Variants in CPNE7 observed in about 807,000 individuals in gnomAD.
CPNE7 encodes copine 7.
In CPNE7, 78 loss-of-function variants were observed where a neutral mutation model predicts 66.5. The observed-to-expected ratio is 1.17, with a 90% CI of 0.98 to 1.42. The LOEUF (loss-of-function observed/expected upper bound fraction) is 1.42. CPNE7 is among the 40% of genes most tolerant of loss of function. CPNE7 has a pLI of 0.00. For synonymous variants in CPNE7, 468 were observed against 336.7 expected (o/e 1.39, Z -4.27); for missense variants, 1,012 against 776.6 (o/e 1.30, Z -3.60).
At position 89,577,638 on chromosome 16, in the gene CPNE7, G is replaced by C; in HGVS notation, c.274G>C (p.Glu92Gln). The C allele has an allele frequency of 6.3e-7, 1 of 1,586,662 alleles. No individual in the cohort carries two copies. Among genetic ancestry groups the C allele is most frequent in the Non-Finnish European group, 8.6e-7 (1 of 1,166,408 alleles). ...YFEEVQRLRFEVYDTHGPSGF... is the reference protein window; with the variant it reads ...YFEEVQRLRFQVYDTHGPSGF... ...CGAGGAGGTGCAGAGGCTGCGCTTT[G>C]AGGTGTACGACACGCATGGGCCCAG... The change falls in exon 2 of 15, where the codon GAG becomes CAG. Residue 92 changes from glutamate (E) to glutamine (Q), a missense_variant. Physicochemically the swap from Glu to Gln is conservative, Grantham distance 29. Coordinates refer to ENST00000319518, the MANE Select transcript of CPNE7 (RefSeq NM_153636.3).
rs3751682 is a variant in CPNE7 at position 89,596,617 on chromosome 16, C to T, written c.1673C>T (p.Pro558Leu). The T allele has an allele frequency of 5.2e-3, 8,291 of 1,599,466 alleles. 434 individuals are homozygous for T. The East Asian group carries it at 0.12, about 24-fold the overall frequency. The change falls in exon 15 of 15, where the codon CCG (proline) becomes CTG (leucine). Residue 558 changes from proline (P) to leucine (L), a missense_variant. Coordinates refer to ENST00000319518, the MANE Select transcript of CPNE7 (RefSeq NM_153636.3). ...GGAGAGGCCAGCCCAGGCTGCACACCGTGAAGATGTGGAGGGCGTAGGGTG... is the reference window on the plus strand; with the variant it reads ...GGAGAGGCCAGCCCAGGCTGCACACTGTGAAGATGTGGAGGGCGTAGGGTG... ...PAGEASPGCT[P>L]
In CPNE7 at chr16:89,584,207, G is replaced by C; in HGVS notation, c.507+105G>C. Reference sequence around the variant, plus strand: ...GACCTCGCGTGGCTATGTCCCGTGTGAGACGTGTGCGGAGTGTGCCTGGGG... The same window carrying C: ...GACCTCGCGTGGCTATGTCCCGTGTCAGACGTGTGCGGAGTGTGCCTGGGG... On this transcript the variant is annotated intron_variant, in intron 4 of 14. Transcript: ENST00000319518. This position sits in a 1 kb window ranked among gnomAD's most constrained non-coding sequence, Gnocchi z 6.0. 3.4e-6 allele frequency: 4 copies of C among 1,180,318 alleles called. No homozygotes were observed. The highest frequency in any genetic ancestry group is 4.8e-6 in the Non-Finnish European group (4 of 835,744). The allele number at this position is 1,180,318 out of a possible 1,614,324, so 73.1% of individuals were successfully genotyped here.
chr16:89,579,067 G>A lies in CPNE7; in HGVS notation c.357+1346G>A, dbSNP rs145537839. The stretch of plus-strand genomic sequence containing the variant: ...GCACTTTGGAAGTCCGAGGTGGGGG[G>A]ATCACGAGGTCAGGAGTTCGAGACC... On this transcript the variant is annotated intron_variant, in intron 2 of 14. Coordinates refer to ENST00000319518, the MANE Select transcript of CPNE7 (RefSeq NM_153636.3). The A allele has an allele frequency of 3.1e-3, 3,596 of 1,157,452 alleles. 88 individuals are homozygous for A. In the African/African-American group the frequency reaches 0.05, roughly 16 times the overall value. 71.7% of individuals were successfully genotyped at this position (1,157,452 alleles called of 1,614,324 possible). A position where few individuals can be genotyped will look rare whatever the true frequency, so the allele number is the denominator to read the frequency against.
At chr16:89,590,451 GGAGGCAGAGGTTGCACT>G (rs2059150254) in intron 11 of CPNE7, among the ~76,000 whole-genome samples, 2 of 152,162 alleles carry the variant, frequency 1.3e-5, no homozygotes, top group Non-Finnish European at 1.5e-5. Context: ...CTTGAACCCG[GGAGGCAGAGGTTGCACT>G]GAGCTGAGAT....
chr16:89,591,686 G>A (rs912452808), intron 13 of CPNE7, among the ~76,000 whole-genome samples: 1 of 152,112 alleles, frequency 6.6e-6, no homozygotes, highest in African/African-American at 2.4e-5. Flanking sequence ...CAGCCAGCCT[G>A]CTGCTTTCTT....
At chr16:89,583,654 C>T (rs773563880) in intron 2 of CPNE7, 43 bp from the exon 3 acceptor site, 11 of 1,609,494 alleles carry the variant, frequency 6.8e-6, no homozygotes, top group Non-Finnish European at 7.6e-6. Flanking sequence ...GGTCAGGAGC[C>T]GTCCCCGCCT....
rs1318799429 is a variant in CPNE7, at chr16:89,585,787, T to A, written c.780+2T>A. On this transcript the variant is annotated splice_donor_variant, in intron 7 of 14. Transcript: ENST00000319518. LOFTEE classifies it high-confidence loss of function. ...CAGAAGGCCTTTGAGGAGGGGCAGG[T>A]GAGCAGGACGGGGTAGGGGGTCCTC... The A allele has an allele frequency of 7.9e-7, 1 of 1,267,664 alleles. No individual in the cohort carries two copies. The highest frequency in any genetic ancestry group is 2.1e-5 in the African/African-American group (1 of 47,590). The allele number at this position is 1,267,664 out of a possible 1,614,324, so 78.5% of individuals were successfully genotyped here. A position where few individuals can be genotyped will look rare whatever the true frequency, so the allele number is the denominator to read the frequency against.
At chr16:89,595,987 C>T (rs907649495) in intron 14 of CPNE7, 3 of 498,322 alleles carry the variant, frequency 6.0e-6, no homozygotes, top group East Asian at 5.5e-5. Context: ...GTGAGACGCA[C>T]AGCACACACG....
intron 2 of CPNE7, among the ~76,000 whole-genome samples, chr16:89,581,341 G>GGAACATCCTGTCACCAGTCACACA (rs2058956637): frequency 2.0e-5 from 3 of 151,586 alleles, no homozygotes; most frequent in African/African-American, 7.3e-5. Context: ...CCCGTCACAC[G>GGAACATCCTGTCACCAGTCACACA]GAACATCCCG....
chr16:89,581,467 C>A (rs1040320012), intron 2 of CPNE7, among the ~76,000 whole-genome samples: 1 of 152,236 alleles, frequency 6.6e-6, no homozygotes, highest in Non-Finnish European at 1.5e-5. Context: ...AGCGCGTGTT[C>A]TCCCTGCTGT....
chr16:89,591,063 G>C lies in CPNE7; in HGVS notation c.1168+5G>C. On this transcript the variant is annotated splice_donor_5th_base_variant and intron_variant, in intron 12 of 14. Coordinates refer to ENST00000319518, the MANE Select transcript of CPNE7 (RefSeq NM_153636.3). The stretch of plus-strand genomic sequence containing the variant: ...CTGAGGACGATGAGTGTGAAGGTAG[G>C]AGCTCGAGGCAGGCCTGGGGAGGGG... 1 of 1,613,702 alleles carries C rather than the reference G, an allele frequency of 6.2e-7. No individual in the cohort carries two copies. Among genetic ancestry groups the C allele is most frequent in the Middle Eastern group, 1.7e-4 (1 of 6,060 alleles).
intron 9 of CPNE7, chr16:89,587,568 C>T (rs200405131): frequency 4.6e-6 from 2 of 436,108 alleles, no homozygotes; most frequent in South Asian, 3.1e-5. Context: ...AAAACGTGAA[C>T]GAGGAGAAAC....
Position 89,591,076 on chromosome 16 carries a change from G to A in CPNE7, c.1168+18G>A. 6.2e-7 allele frequency: 1 copy of A among 1,613,560 alleles called. No homozygotes were observed. Among genetic ancestry groups the A allele is most frequent in the Non-Finnish European group, 8.5e-7 (1 of 1,179,874 alleles). ...GTGTGAAGGTAGGAGCTCGAGGCAG[G>A]CCTGGGGAGGGGAGTGCAGGGGGGC... On this transcript the variant is annotated intron_variant, in intron 12 of 14. Transcript: ENST00000319518.
At chr16:89,586,956 C>G in intron 8 of CPNE7, 87 bp from the exon 9 acceptor site, 1 of 1,331,834 alleles carries the variant, frequency 7.5e-7, no homozygotes, top group Non-Finnish European at 1.1e-6. Flanking sequence ...AGGGACTGGG[C>G]TGCCTGCGGG....
intron 10 of CPNE7, among the ~76,000 whole-genome samples, chr16:89,589,659 C>T (rs2059139559): frequency 1.3e-5 from 2 of 152,182 alleles, no homozygotes; most frequent in African/African-American, 2.4e-5. Context: ...ACAGCATGTA[C>T]ACAAACGTGG....
At chr16:89,588,889 C>A (rs1227292422) in intron 10 of CPNE7, 81 bp downstream of exon 10, 1 of 1,562,638 alleles carries the variant, frequency 6.4e-7, no homozygotes, top group Non-Finnish European at 8.7e-7. Flanking sequence ...CCCCTCACCC[C>A]CCTGGTCTCC....
At chr16:89,593,509 C>A (rs539489242) in intron 13 of CPNE7, among the ~76,000 whole-genome samples, 2 of 151,238 alleles carry the variant, frequency 1.3e-5, no homozygotes, top group East Asian at 2.3e-4. Flanking sequence ...CCCGCCACCA[C>A]GCCCGGCTAA....
chr16:89,591,847 C>A (rs1253173176), intron 13 of CPNE7, among the ~76,000 whole-genome samples: 1 of 151,844 alleles, frequency 6.6e-6, no homozygotes, highest in African/African-American at 2.4e-5. Context: ...ACTACAGGCG[C>A]CCGCCACCAC....
chr16:89,588,686 CTT>C lies in CPNE7; in HGVS notation c.940_941del (p.Phe314HisfsTer39), dbSNP rs754698090. On this transcript the variant is annotated frameshift_variant, in exon 10 of 15. Coordinates refer to ENST00000319518, the MANE Select transcript of CPNE7 (RefSeq NM_153636.3). LOFTEE classifies it high-confidence loss of function. ...CQIHFTVAID[F>X]TASNGDPRNS... Reference sequence around the variant, plus strand: ...CCGGCCCACTGCAGGTGGCCATTGACTTCACCGCCTCCAATGGAGACCCGCGG... The same window carrying C: ...CCGGCCCACTGCAGGTGGCCATTGACCACCGCCTCCAATGGAGACCCGCGG... 6.2e-7 allele frequency: 1 copy of C among 1,613,266 alleles called. No homozygotes were observed. The highest frequency in any genetic ancestry group is 1.1e-5 in the South Asian group (1 of 91,088).
Sources: gnomAD v4.1 joint callset for allele counts (sites outside exome capture counted in the v4.1 genomes callset) on GRCh38, gnomAD v4.1.1 for gene constraint, Gnocchi (gnomAD v3.1) non-coding constraint, MANE v1.5 for transcripts, NCBI Gene and HGNC (gene_info 2026-07-23, HGNC 2026-07-21) for gene names.